EBF2: variants seen among roughly 807,000 people sequenced by gnomAD.
EBF2 encodes EBF transcription factor 2, also known as transcription factor COE2.
Under a neutral mutation model 72.8 loss-of-function variants are expected in EBF2, and 21 were observed. The observed-to-expected ratio is 0.29, with a 90% CI of 0.20 to 0.42. The LOEUF is 0.42. EBF2 is among the 10% of genes least tolerant of loss of function. EBF2 has a pLI of 1.00. For missense variants in EBF2, 637 were observed against 731.2 expected (o/e 0.87, Z 1.49); for synonymous variants, 299 against 274.2 (o/e 1.09, Z -0.89).
At chr8:25,869,022 C>T (rs1358436278) in intron 10 of EBF2, among the ~76,000 whole-genome samples, 3 of 152,108 alleles carry the variant, frequency 2.0e-5, no homozygotes, top group Admixed American at 6.5e-5. Context: ...CACTAAGTCT[C>T]ATCACCATAT....
chr8:25,946,361 A>G (rs554647942), intron 6 of EBF2, among the ~76,000 whole-genome samples: 11 of 152,364 alleles, frequency 7.2e-5, no homozygotes, highest in African/African-American at 2.6e-4. Context: ...AATGCCTAGC[A>G]TGGTATCTTA....
chr8:25,995,517 T>C (rs896194897), intron 6 of EBF2, among the ~76,000 whole-genome samples: 1 of 152,126 alleles, frequency 6.6e-6, no homozygotes, highest in African/African-American at 2.4e-5. Context: ...AAAATATTCA[T>C]GTTAGATCGA....
intron 6 of EBF2, among the ~76,000 whole-genome samples, chr8:25,997,911 A>G (rs1024198265): frequency 9.9e-5 from 15 of 152,226 alleles, no homozygotes; most frequent in Admixed American, 8.5e-4. Flanking sequence ...TAACATTAAT[A>G]ATAATACACA....
At chr8:25,858,290 G>C in intron 14 of EBF2, 29 bp downstream of exon 14, 1 of 1,612,524 alleles carries the variant, frequency 6.2e-7, no homozygotes. Context: ...AAAAAGCATG[G>C]AGAGCCAAGT....
chr8:25,968,652 C>A (rs1001013786), intron 6 of EBF2, among the ~76,000 whole-genome samples: 1 of 152,156 alleles, frequency 6.6e-6, no homozygotes, highest in Non-Finnish European at 1.5e-5. Context: ...ACCTCCACCC[C>A]CCTGGGTTCA....
At chr8:26,022,906 C>T (rs77347510) in intron 6 of EBF2, among the ~76,000 whole-genome samples, 1,572 of 152,330 alleles carry the variant, frequency 0.01, 19 homozygotes, top group South Asian at 0.026. Context: ...TCAAATGTCC[C>T]CTCCAGCTGC....
At chr8:25,970,849 T>C (rs1804178863) in intron 6 of EBF2, among the ~76,000 whole-genome samples, 1 of 152,168 alleles carries the variant, frequency 6.6e-6, no homozygotes, top group African/African-American at 2.4e-5. Context: ...TTTATTTATT[T>C]AGAGACAGGA....
chr8:26,028,843 T>G (rs1186967835), intron 6 of EBF2, among the ~76,000 whole-genome samples: 2 of 151,426 alleles, frequency 1.3e-5, no homozygotes, highest in African/African-American at 2.5e-5. Flanking sequence ...TGTTTTGTGG[T>G]TTTTTCCCCT....
chr8:25,845,587 C>T (rs991358333), intron 15 of EBF2, among the ~76,000 whole-genome samples: 14 of 152,138 alleles, frequency 9.2e-5, no homozygotes, highest in South Asian at 6.2e-4. Flanking sequence ...CTCCCTTCAT[C>T]GGGTCAAAAG....
chr8:25,979,834 G>C (rs1441070800), intron 6 of EBF2, among the ~76,000 whole-genome samples: 1 of 152,022 alleles, frequency 6.6e-6, no homozygotes, highest in Non-Finnish European at 1.5e-5. Flanking sequence ...GGCATGAAAG[G>C]CTGTTCCGGC....
chr8:25,872,762 A>G (rs1802462279), intron 10 of EBF2, among the ~76,000 whole-genome samples: 1 of 152,240 alleles, frequency 6.6e-6, no homozygotes, highest in Non-Finnish European at 1.5e-5. Context: ...CAAGACCAGA[A>G]GACAGACACT....
In EBF2 at chr8:25,842,221, C is replaced by T. The variant is rs896293499; in HGVS notation, c.*2388G>A. The T allele has an allele frequency of 6.6e-6, 1 of 152,122 alleles. No homozygotes were observed. The highest frequency in any genetic ancestry group is 2.4e-5 in the African/African-American group (1 of 41,420). The allele number at this position is 152,122 out of a possible 1,614,324, so 9.4% of individuals were successfully genotyped here. A position where few individuals can be genotyped will look rare whatever the true frequency, so the allele number is the denominator to read the frequency against. On this transcript the variant is annotated 3_prime_UTR_variant, in exon 16 of 16. Transcript: ENST00000520164. ...GCAATGACTAACGAGGACAGGGTAG[C>T]TTTGTTTTTAATTTATTAGTACACT...
chr8:26,039,878 G>T, intron 5 of EBF2, 150 bp downstream of exon 5: 1 of 709,400 alleles, frequency 1.4e-6, no homozygotes. Context: ...AGGGGTTTCC[G>T]TGGATCTACA....
intron 6 of EBF2, among the ~76,000 whole-genome samples, chr8:25,930,893 C>A (rs1357340449): frequency 5.3e-5 from 8 of 152,158 alleles, no homozygotes; most frequent in Non-Finnish European, 8.8e-5. Context: ...AGTCTTAAAT[C>A]CAGCAATCCC....
At chr8:26,040,792 G>A in intron 3 of EBF2, 121 bp from the exon 4 acceptor site, 5 of 1,473,356 alleles carry the variant, frequency 3.4e-6, no homozygotes, top group Middle Eastern at 2.2e-4. Flanking sequence ...CCCTGGAGAC[G>A]GTGACCTCCC....
intron 10 of EBF2, among the ~76,000 whole-genome samples, chr8:25,882,180 C>A (rs950846143): frequency 6.6e-6 from 1 of 152,108 alleles, no homozygotes; most frequent in East Asian, 1.9e-4. Context: ...TAAAATTTAC[C>A]CCTAGACACT....
intron 6 of EBF2, among the ~76,000 whole-genome samples, chr8:25,946,065 A>T (rs560870496): frequency 9.2e-5 from 14 of 152,316 alleles, no homozygotes; most frequent in Admixed American, 2.0e-4. Flanking sequence ...GCCTGGCGTG[A>T]TGGGGAAATG....
At chr8:25,983,377 G>A (rs1804394815) in intron 6 of EBF2, among the ~76,000 whole-genome samples, 2 of 152,136 alleles carry the variant, frequency 1.3e-5, no homozygotes, top group Admixed American at 6.5e-5. Context: ...GATGCAAAAG[G>A]GCTGAAAGTT....
chr8:25,874,524 T>C (rs1016553860), intron 10 of EBF2, among the ~76,000 whole-genome samples: 1 of 152,170 alleles, frequency 6.6e-6, no homozygotes, highest in African/African-American at 2.4e-5. Flanking sequence ...AGGTTGTCTA[T>C]GTAGACCTCT....
Sources: allele counts gnomAD v4.1 joint callset (sites outside exome capture counted in the v4.1 genomes callset), GRCh38; gene constraint gnomAD v4.1.1; transcripts MANE v1.5; gene names NCBI Gene and HGNC (gene_info 2026-07-23, HGNC 2026-07-21).